Variants in KIAA0825 observed in about 807,000 individuals in gnomAD.
The protein encoded by KIAA0825 is uncharacterized protein KIAA0825.
KIAA0825 carries 119 observed loss-of-function variants against 147.6 expected under a neutral mutation model. The ratio of observed to expected loss-of-function variants is 0.81; its 90% CI spans 0.69 to 0.94. The LOEUF is 0.94. KIAA0825 is among the 40% of genes least tolerant of loss of function. The pLI, the probability that KIAA0825 is intolerant of heterozygous loss-of-function variation, is 0.00. For missense variants in KIAA0825, 1,381 were observed against 1,472.7 expected, an observed-to-expected ratio of 0.94 and a Z score of 1.02; for synonymous variants, 470 against 518.1, an observed-to-expected ratio of 0.91 and a Z score of 1.26.
Position 94,417,148 on chromosome 5 carries a change from T to C in KIAA0825, c.2662+53A>G, listed in dbSNP as rs1249161152. The C allele has an allele frequency of 2.0e-6, 3 of 1,469,428 alleles. No individual in the cohort carries two copies. The East Asian group carries it at 7.4e-5, about 36-fold the overall frequency. The allele number at this position is 1,469,428 out of a possible 1,614,324, so 91.0% of individuals were successfully genotyped here. A position where few individuals can be genotyped will look rare whatever the true frequency, so the allele number is the denominator to read the frequency against. On this transcript the variant is annotated intron_variant, in intron 15 of 20. Coordinates refer to ENST00000682413, the MANE Select transcript of KIAA0825 (RefSeq NM_001145678.3). ...TACAACTTCTAAACATCTTTAAAGG[T>C]ACATATAAGTATCTATAGAACATTT...
At chr5:94,584,128 TCTC>T (rs1264653059) in intron 1 of KIAA0825, among the ~76,000 whole-genome samples, 56 of 152,052 alleles carry the variant, frequency 3.7e-4, no homozygotes, top group Admixed American at 3.6e-3. Flanking sequence ...GAATGCCTCT[TCTC>T]CTCCAAAGGA....
intron 20 of KIAA0825, among the ~76,000 whole-genome samples, chr5:94,381,246 G>A (rs1464258622): frequency 6.6e-6 from 1 of 152,168 alleles, no homozygotes; most frequent in Non-Finnish European, 1.5e-5. Flanking sequence ...GGACTTTACA[G>A]TTTCCTTACC....
At chr5:94,500,167 C>T (rs994455194) in intron 5 of KIAA0825, among the ~76,000 whole-genome samples, 10 of 152,136 alleles carry the variant, frequency 6.6e-5, no homozygotes, top group African/African-American at 2.4e-4. Flanking sequence ...GGAAGGCTTG[C>T]TTTCCAAAAC....
chr5:94,412,065 T>C (rs1168414772), intron 15 of KIAA0825, among the ~76,000 whole-genome samples: 3 of 152,144 alleles, frequency 2.0e-5, no homozygotes, highest in Non-Finnish European at 4.4e-5. Context: ...TATCAATATA[T>C]GTATAAAACA....
At chr5:94,485,070 T>A (rs115543611) in intron 5 of KIAA0825, 140 bp from the exon 6 acceptor site, 13,564 of 488,274 alleles carry the variant, frequency 0.028, 238 homozygotes, top group Non-Finnish European at 0.035. Flanking sequence ...CATTAAGAAA[T>A]ACATATAAAA....
intron 6 of KIAA0825, 83 bp from the exon 7 acceptor site, chr5:94,477,288 T>C: frequency 1.1e-6 from 1 of 896,762 alleles, no homozygotes; most frequent in South Asian, 1.6e-5. Flanking sequence ...TTCAGGTAAA[T>C]ATTAACTACG....
intron 2 of KIAA0825, among the ~76,000 whole-genome samples, chr5:94,551,869 A>G (rs181301883): frequency 4.6e-5 from 7 of 151,978 alleles, no homozygotes; most frequent in Non-Finnish European, 8.8e-5. Context: ...AAATTAAGGG[A>G]AAAAATATAT....
At chr5:94,575,361 GAA>G (rs781292218) in intron 2 of KIAA0825, among the ~76,000 whole-genome samples, 93 of 140,726 alleles carry the variant, frequency 6.6e-4, no homozygotes, top group Admixed American at 1.2e-3. Context: ...GGCCATGACG[GAA>G]AAAAAAAAAA....
intron 20 of KIAA0825, among the ~76,000 whole-genome samples, chr5:94,269,492 T>A (rs545846004): frequency 2.0e-5 from 3 of 152,048 alleles, no homozygotes; most frequent in Admixed American, 6.6e-5. Flanking sequence ...TGAATGGAAT[T>A]TTTTTTAAAA....
intron 20 of KIAA0825, among the ~76,000 whole-genome samples, chr5:94,273,151 T>C (rs1409397963): frequency 1.3e-5 from 2 of 152,212 alleles, no homozygotes; most frequent in African/African-American, 4.8e-5. Flanking sequence ...TTTCTGCATC[T>C]GTAAAATGAA....
intron 20 of KIAA0825, among the ~76,000 whole-genome samples, chr5:94,161,047 C>G (rs1238425985): frequency 6.6e-6 from 1 of 152,194 alleles, no homozygotes; most frequent in Non-Finnish European, 1.5e-5. Context: ...CAATCTTGTT[C>G]ACACAGTCTG....
At chr5:94,518,047 C>G (rs1387820332) in intron 5 of KIAA0825, among the ~76,000 whole-genome samples, 1 of 152,144 alleles carries the variant, frequency 6.6e-6, no homozygotes, top group Non-Finnish European at 1.5e-5. Context: ...ACATCAATGT[C>G]TGAGCCAATA....
At chr5:94,473,111 A>G (rs573776716) in intron 8 of KIAA0825, among the ~76,000 whole-genome samples, 181 bp downstream of exon 8, 5 of 152,306 alleles carry the variant, frequency 3.3e-5, no homozygotes, top group African/African-American at 1.2e-4. Flanking sequence ...AGCACCAGGT[A>G]TAAGTCCTTT....
intron 12 of KIAA0825, 104 bp downstream of exon 12, chr5:94,462,283 G>A (rs181288762): frequency 1.5e-6 from 1 of 661,592 alleles, no homozygotes; most frequent in African/African-American, 1.9e-5. Flanking sequence ...CACTTCAGAA[G>A]ATTTCTACTT....
At chr5:94,428,471 T>C (rs1219849334) in intron 14 of KIAA0825, among the ~76,000 whole-genome samples, 1 of 152,208 alleles carries the variant, frequency 6.6e-6, no homozygotes, top group Admixed American at 6.5e-5. Flanking sequence ...TGCTTGCTTG[T>C]CTGGGAAAGA....
chr5:94,504,164 T>C (rs1190409851), intron 5 of KIAA0825, among the ~76,000 whole-genome samples: 2 of 152,222 alleles, frequency 1.3e-5, no homozygotes, highest in Non-Finnish European at 2.9e-5. Context: ...TTTTTCATTG[T>C]AAGTAACAAT....
chr5:94,532,581 T>A (rs1346161685), intron 3 of KIAA0825, among the ~76,000 whole-genome samples: 1 of 151,114 alleles, frequency 6.6e-6, no homozygotes, highest in African/African-American at 2.4e-5. Context: ...CCCTGTTGCC[T>A]AAGCTGGAGT....
intron 20 of KIAA0825, among the ~76,000 whole-genome samples, chr5:94,316,995 G>A (rs1187020492): frequency 2.0e-5 from 3 of 151,750 alleles, no homozygotes; most frequent in Non-Finnish European, 4.4e-5. Flanking sequence ...AGTGATATGA[G>A]AAAGAGGGAA....
chr5:94,310,221 G>C (rs1779039444), intron 20 of KIAA0825, among the ~76,000 whole-genome samples: 1 of 151,522 alleles, frequency 6.6e-6, no homozygotes, highest in African/African-American at 2.4e-5. Context: ...ATTGCCAGTT[G>C]GTGATGAGGT....
Sources: allele counts gnomAD v4.1 joint callset (sites outside exome capture counted in the v4.1 genomes callset), GRCh38; gene constraint gnomAD v4.1.1; transcripts MANE v1.5; gene names NCBI Gene and HGNC (gene_info 2026-07-23, HGNC 2026-07-21).